PDZRN3: variants seen among roughly 807,000 people sequenced by gnomAD.
PDZRN3 encodes PDZ domain containing ring finger 3.
In PDZRN3, 38 loss-of-function variants were observed where a neutral mutation model predicts 85.7. The ratio of observed to expected loss-of-function variants is 0.44; its 90% CI spans 0.34 to 0.58. The LOEUF is 0.58. Among genes scored for constraint, PDZRN3 ranks in the 20% least tolerant of loss-of-function variants. The pLI, the probability that PDZRN3 is intolerant of heterozygous loss-of-function variation, is 0.01. For missense variants in PDZRN3, 1,629 were observed against 1,506.4 expected, an observed-to-expected ratio of 1.08 and a Z score of -1.35; for synonymous variants, 759 against 638.0, an observed-to-expected ratio of 1.19 and a Z score of -2.86.
chr3:73,509,788 TACCAAA>T (rs1436385264), intron 3 of PDZRN3, among the ~76,000 whole-genome samples: 3 of 152,286 alleles, frequency 2.0e-5, no homozygotes, highest in South Asian at 4.1e-4. Context: ...CCTGAGTAAA[TACCAAA>T]CAGACAACTT....
At chr3:73,522,940 A>C (rs1704405622) in intron 3 of PDZRN3, among the ~76,000 whole-genome samples, 1 of 152,260 alleles carries the variant, frequency 6.6e-6, no homozygotes, top group Non-Finnish European at 1.5e-5. Context: ...CTAAATGAAA[A>C]GTTATGATAG....
At chr3:73,507,689 T>C (rs1018366338) in intron 3 of PDZRN3, among the ~76,000 whole-genome samples, 6 of 152,194 alleles carry the variant, frequency 3.9e-5, no homozygotes, top group Non-Finnish European at 8.8e-5. Context: ...AGCTGAACAC[T>C]TGGCAAAGAA....
intron 3 of PDZRN3, among the ~76,000 whole-genome samples, chr3:73,440,662 C>G (rs771741577): frequency 6.6e-6 from 1 of 152,190 alleles, no homozygotes; most frequent in Admixed American, 6.5e-5. Flanking sequence ...TTTGTAACCC[C>G]TGAAATGCCT....
chr3:73,539,072 C>T (rs4535167), intron 3 of PDZRN3, among the ~76,000 whole-genome samples: 67,164 of 151,932 alleles, frequency 0.44, 15,887 homozygotes, highest in East Asian at 0.54. Context: ...ACCAAATTTG[C>T]CCCATCCTTC....
At chr3:73,491,767 T>C (rs1703775531) in intron 3 of PDZRN3, among the ~76,000 whole-genome samples, 1 of 150,876 alleles carries the variant, frequency 6.6e-6, no homozygotes, top group South Asian at 2.2e-4. Context: ...GGCTAATATT[T>C]AACTTATTTT....
chr3:73,404,584 G>C, intron 3 of PDZRN3, 189 bp from the exon 4 acceptor site: 1 of 588,636 alleles, frequency 1.7e-6, no homozygotes, highest in South Asian at 2.2e-5. Flanking sequence ...GAGTTTGGAG[G>C]TATTCAGATC....
At chr3:73,529,280 T>C (rs1704599690) in intron 3 of PDZRN3, among the ~76,000 whole-genome samples, 1 of 152,342 alleles carries the variant, frequency 6.6e-6, no homozygotes. Flanking sequence ...CGTGCAAGTG[T>C]TTGGTGCCGG....
chr3:73,541,518 A>G (rs2106782656), intron 3 of PDZRN3, among the ~76,000 whole-genome samples: 1 of 152,364 alleles, frequency 6.6e-6, no homozygotes, highest in Non-Finnish European at 1.5e-5. Context: ...TCCAACAGCC[A>G]GTAATAGGAA....
intron 3 of PDZRN3, among the ~76,000 whole-genome samples, chr3:73,482,831 C>T (rs1406433999): frequency 2.0e-5 from 3 of 152,184 alleles, no homozygotes; most frequent in South Asian, 2.1e-4. Flanking sequence ...CAGGCCACAA[C>T]CTGTTGTTTA....
chr3:73,410,216 CCTGT>C (rs1285280830), intron 3 of PDZRN3, among the ~76,000 whole-genome samples: 4 of 152,082 alleles, frequency 2.6e-5, no homozygotes, highest in South Asian at 2.1e-4. Context: ...TTAGGCAACT[CCTGT>C]CTGTCTTAAT....
intron 3 of PDZRN3, chr3:73,593,805 A>C (rs1309418538): frequency 2.0e-5 from 3 of 151,934 alleles, no homozygotes; most frequent in African/African-American, 4.8e-5. Context: ...AGTTCCCCAT[A>C]ATCCCATCAA....
At chr3:73,441,197 G>A (rs571344998) in intron 3 of PDZRN3, among the ~76,000 whole-genome samples, 12 of 152,074 alleles carry the variant, frequency 7.9e-5, no homozygotes, top group South Asian at 4.2e-4. Flanking sequence ...GGCAGATCAC[G>A]AGCTGGGCAG....
rs529449404 is a variant in PDZRN3, at chr3:73,450,250, C to T, written c.919-45855G>A. The stretch of plus-strand genomic sequence containing the variant: ...GTTCTACATTGACATGCCACTGATC[C>T]CATATGCCTTCTCAGTAGCAATTCT... On this transcript the variant is annotated intron_variant, in intron 3 of 9. Coordinates refer to ENST00000263666, the MANE Select transcript of PDZRN3 (RefSeq NM_015009.3). Among the ~76,000 whole-genome samples the T allele has an allele frequency of 1.6e-4, 24 of 152,306 alleles. No homozygotes were observed. The South Asian group carries it at 4.4e-3, about 28-fold the overall frequency.
At chr3:73,478,768 T>C (rs994634121) in intron 3 of PDZRN3, among the ~76,000 whole-genome samples, 2 of 152,190 alleles carry the variant, frequency 1.3e-5, no homozygotes, top group Admixed American at 1.3e-4. Context: ...AATTTTAAAC[T>C]GTCAAAAGAA....
In PDZRN3 at chr3:73,386,226, C is replaced by CTTTTTTTTTTTTTTTTTTTTTTT. The variant is rs71126867; in HGVS notation, c.1519-442_1519-441insAAAAAAAAAAAAAAAAAAAAAAA. On this transcript the variant is annotated intron_variant, in intron 8 of 9. Coordinates refer to ENST00000263666, the MANE Select transcript of PDZRN3 (RefSeq NM_015009.3). ...GCTGTTTGGCTTGGGCAAGATATCA[C>CTTTTTTTTTTTTTTTTTTTTTTT]TTTTTTTTTTTTTTTTTTTGAGACA... Among the ~76,000 whole-genome samples the CTTTTTTTTTTTTTTTTTTTTTTT allele has an allele frequency of 8.8e-5, 8 of 90,708 alleles. 1 individual carries two copies. The highest frequency in any genetic ancestry group is 2.8e-4 in the African/African-American group (7 of 24,574). The allele number at this position is 90,708 out of a possible 152,430, so 59.5% of individuals were successfully genotyped here. A position where few individuals can be genotyped will look rare whatever the true frequency, so the allele number is the denominator to read the frequency against.
At chr3:73,469,375 T>C (rs56799456) in intron 3 of PDZRN3, among the ~76,000 whole-genome samples, 41,476 of 152,158 alleles carry the variant, frequency 0.27, 6,933 homozygotes, top group African/African-American at 0.48. Context: ...CCGGTCATGA[T>C]TCATCTCTTT....
intron 3 of PDZRN3, among the ~76,000 whole-genome samples, chr3:73,494,346 A>C (rs1183500071): frequency 3.3e-5 from 5 of 152,224 alleles, no homozygotes; most frequent in Non-Finnish European, 7.3e-5. Flanking sequence ...ATTTTGGTCC[A>C]TGTCCAAATC....
intron 3 of PDZRN3, among the ~76,000 whole-genome samples, chr3:73,470,678 C>A (rs1254049790): frequency 6.6e-6 from 1 of 152,202 alleles, no homozygotes; most frequent in Non-Finnish European, 1.5e-5. Flanking sequence ...CACAGACATA[C>A]AGAGAAGCCA....
In PDZRN3 at chr3:73,416,903, T is replaced by G. The variant is rs1268199367; in HGVS notation, c.919-12508A>C. ...TTTTTTTTTTTTTTTTTTTTTTTTT[T>G]TTTTTTGAGACAGAGTCTCACTCCA... On this transcript the variant is annotated intron_variant, in intron 3 of 9. Coordinates refer to ENST00000263666, the MANE Select transcript of PDZRN3 (RefSeq NM_015009.3). Among the ~76,000 whole-genome samples, 247 of 147,116 alleles carry G rather than the reference T, an allele frequency of 1.7e-3. 2 individuals carry two copies. Among genetic ancestry groups the G allele is most frequent in the African/African-American group, 6.2e-3 (244 of 39,574 alleles).
Sources: gnomAD v4.1 joint callset for allele counts (sites outside exome capture counted in the v4.1 genomes callset) on GRCh38, gnomAD v4.1.1 for gene constraint, MANE v1.5 for transcripts, NCBI Gene and HGNC (gene_info 2026-07-23, HGNC 2026-07-21) for gene names.